OAS1: variants seen among roughly 807,000 people sequenced by gnomAD.
OAS1 encodes 2'-5'-oligoadenylate synthetase 1.
OAS1 carries 24 observed loss-of-function variants against 38.5 expected under a neutral mutation model. That is an observed-to-expected ratio of 0.62 (90% confidence interval 0.45 to 0.88). The LOEUF (loss-of-function observed/expected upper bound fraction) is 0.88, where lower values mean the gene tolerates loss of function less well. Among genes scored for constraint, OAS1 ranks in the 40% least tolerant of loss-of-function variants. The probability of loss-of-function intolerance (pLI) is 0.00; values close to 1 mark genes in which losing one functional copy is unlikely to be tolerated. For missense variants in OAS1, 482 were observed against 493.9 expected, an observed-to-expected ratio of 0.98 and a Z score of 0.23; for synonymous variants, 169 against 193.9, an observed-to-expected ratio of 0.87 and a Z score of 1.07.
intron 6 of OAS1, among the ~76,000 whole-genome samples, chr12:112,931,613 G>T (rs978307936): frequency 6.6e-6 from 1 of 152,200 alleles, no homozygotes; most frequent in Non-Finnish European, 1.5e-5. Context: ...GTACAGATAG[G>T]TTCCAGACTC....
At chr12:112,908,940 C>T in intron 2 of OAS1, 116 bp downstream of exon 2, 3 of 1,140,528 alleles carry the variant, frequency 2.6e-6, no homozygotes, top group Non-Finnish European at 3.8e-6. Context: ...GGGAGGAGAT[C>T]TTAGGATCTG....
At position 112,915,854 on chromosome 12, in the gene OAS1, G is replaced by T. The variant is rs193023488; in HGVS notation, c.655-655G>T. On this transcript the variant is annotated intron_variant, in intron 3 of 5. Coordinates refer to ENST00000202917, the MANE Select transcript of OAS1 (RefSeq NM_016816.4). ...CCTAGTTATTTTAAAGTCTGTGTTC[G>T]GTCTTTCAGCATTTAAAGTTTGTAG... Among the ~76,000 whole-genome samples the T allele has an allele frequency of 2.2e-3, 341 of 152,028 alleles. 1 individual carries two copies. The highest frequency in any genetic ancestry group is 8.0e-3 in the African/African-American group (331 of 41,470).
downstream of OAS1, among the ~76,000 whole-genome samples, chr12:112,920,249 G>T (rs1333525308): frequency 6.6e-6 from 1 of 152,180 alleles, no homozygotes; most frequent in Non-Finnish European, 1.5e-5. Flanking sequence ...CCATATCTCT[G>T]AGAAAAATTA....
At chr12:112,917,977 T>G in intron 5 of OAS1, 28 of 1,354,058 alleles carry the variant, frequency 2.1e-5, no homozygotes, top group Non-Finnish European at 2.2e-5. Context: ...GGGCTCAGGT[T>G]CTGTCCTAAG....
chr12:112,911,354 G>C (rs917960881), intron 3 of OAS1, 119 bp downstream of exon 3: 1 of 778,328 alleles, frequency 1.3e-6, no homozygotes, highest in African/African-American at 1.8e-5. Flanking sequence ...GAGGGAAATA[G>C]AGGGATGGAA....
intron 6 of OAS1, among the ~76,000 whole-genome samples, chr12:112,930,056 A>G (rs1456755879): frequency 2.6e-5 from 4 of 152,124 alleles, no homozygotes; most frequent in Non-Finnish European, 5.9e-5. Flanking sequence ...GTTTAACACC[A>G]TCGCCTTGGT....
chr12:112,907,095 A>G lies in OAS1; in HGVS notation c.56A>G (p.Tyr19Cys), dbSNP rs2043304928. 2 of 1,614,212 alleles carry G rather than the reference A, an allele frequency of 1.2e-6. No individual in the cohort carries two copies. The highest frequency in any genetic ancestry group is 1.7e-6 in the Non-Finnish European group (2 of 1,180,042). ...AKSLDKFIEDYLLPDTCFRMQ... is the reference protein window; with the variant it reads ...AKSLDKFIEDCLLPDTCFRMQ... ...TCTCTGGACAAGTTCATTGAAGACT[A>G]TCTCTTGCCAGACACGTGTTTCCGC... Residue 19 changes from tyrosine (Y) to cysteine (C), a missense_variant, in exon 1 of 6, where the codon TAT becomes TGT. Transcript: ENST00000202917.
chr12:112,929,177 C>A (rs1409273058), intron 6 of OAS1, among the ~76,000 whole-genome samples: 1 of 152,222 alleles, frequency 6.6e-6, no homozygotes, highest in Non-Finnish European at 1.5e-5. Context: ...CCAAATGAAG[C>A]CCATCCTGCC....
At chr12:112,926,699 A>T (rs10850099) in intron 6 of OAS1, among the ~76,000 whole-genome samples, 17 of 151,782 alleles carry the variant, frequency 1.1e-4, no homozygotes, top group African/African-American at 3.4e-4. Flanking sequence ...TTCATGTTCC[A>T]CTGTGCATGC....
chr12:112,907,284 G>C lies in OAS1; in HGVS notation c.180+65G>C. On this transcript the variant is annotated intron_variant, in intron 1 of 5. Transcript: ENST00000202917. ...ATGTGCAAGAGTTGAGATTGAGAATGAGAGAGAGAGAGAGAGAGAAGCAAA... is the reference window on the plus strand; with the variant it reads ...ATGTGCAAGAGTTGAGATTGAGAATCAGAGAGAGAGAGAGAGAGAAGCAAA... 5.0e-6 allele frequency: 3 copies of C among 598,774 alleles called. No individual in the cohort carries two copies. The South Asian group carries it at 1.2e-4, about 23-fold the overall frequency. 37.1% of individuals were successfully genotyped at this position (598,774 alleles called of 1,614,324 possible).
chr12:112,919,732 C>T lies in OAS1; in HGVS notation c.*179C>T. ...ATGCCCTCTATCCTATCATAGATAA[C>T]ATTCTCCACAGCCTCACTTCATTCC... On this transcript the variant is annotated 3_prime_UTR_variant, in exon 6 of 6. Coordinates refer to ENST00000202917, the MANE Select transcript of OAS1 (RefSeq NM_016816.4). The T allele has an allele frequency of 1.3e-6, 2 of 1,487,876 alleles. No homozygotes were observed. Among genetic ancestry groups the T allele is most frequent in the East Asian group, 2.5e-5 (1 of 40,278 alleles). The allele number at this position is 1,487,876 out of a possible 1,614,324, so 92.2% of individuals were successfully genotyped here. A position where few individuals can be genotyped will look rare whatever the true frequency, so the allele number is the denominator to read the frequency against.
chr12:112,917,487 T>C, intron 4 of OAS1, 60 bp from the exon 5 acceptor site: 1 of 1,603,472 alleles, frequency 6.2e-7, no homozygotes, highest in Non-Finnish European at 8.5e-7. Flanking sequence ...CAGGAGCATC[T>C]GGACTCCCTA....
rs766223435 is a variant in OAS1, at chr12:112,916,624, C to T, written c.770C>T (p.Thr257Met). 43 of 1,613,950 alleles carry T rather than the reference C, an allele frequency of 2.7e-5. No individual in the cohort carries two copies. The highest frequency in any genetic ancestry group is 1.6e-4 in the Middle Eastern group (1 of 6,084). ...TTCAACACAGCCCAGGGATTTCGGA[C>T]GGTCTTGGAATTAGTCATAAACTAC... Reference protein sequence around the residue: ...THFNTAQGFRTVLELVINYQQ... With the variant: ...THFNTAQGFRMVLELVINYQQ... The change falls in exon 4 of 6, where the codon ACG becomes ATG. Residue 257 changes from threonine (T) to methionine (M), a missense_variant. Physicochemically the swap from Thr to Met is moderately conservative, Grantham distance 81. Coordinates refer to ENST00000202917, the MANE Select transcript of OAS1 (RefSeq NM_016816.4).
rs749753475 is a variant in OAS1, at chr12:112,908,711, T to A, written c.356T>A (p.Phe119Tyr). The A allele has an allele frequency of 1.2e-5, 19 of 1,614,058 alleles. No individual in the cohort carries two copies. The South Asian group carries it at 2.1e-4, about 18-fold the overall frequency. The change falls in exon 2 of 6, where the codon TTT becomes TAT. Residue 119 changes from phenylalanine (F) to tyrosine (Y), a missense_variant. Physicochemically the swap from Phe to Tyr is conservative, Grantham distance 22. Coordinates refer to ENST00000202917, the MANE Select transcript of OAS1 (RefSeq NM_016816.4). ...AGAGAGAGAGCATTTTCCGTGAAGTTTGAGGTCCAGGCTCCACGCTGGGGC... is the reference window on the plus strand; with the variant it reads ...AGAGAGAGAGCATTTTCCGTGAAGTATGAGGTCCAGGCTCCACGCTGGGGC... Reference protein sequence around the residue: ...CQRERAFSVKFEVQAPRWGNP... With the variant: ...CQRERAFSVKYEVQAPRWGNP...
intron 5 of OAS1, chr12:112,918,706 T>G (rs1217584271): frequency 4.4e-6 from 2 of 452,824 alleles, no homozygotes; most frequent in East Asian, 1.4e-4. Context: ...CTCATGTCAC[T>G]GTGCTAAACA....
chr12:112,916,907 C>G, intron 4 of OAS1, 169 bp downstream of exon 4: 1 of 609,830 alleles, frequency 1.6e-6, no homozygotes, highest in Non-Finnish European at 2.9e-6. Flanking sequence ...AAACACCTAC[C>G]TCCAACCCTG....
chr12:112,914,847 G>A (rs559653036), intron 3 of OAS1, among the ~76,000 whole-genome samples: 20 of 149,056 alleles, frequency 1.3e-4, no homozygotes, highest in South Asian at 6.4e-4. Flanking sequence ...CCATTAACCC[G>A]TCATTTAGCA....
At position 112,908,561 on chromosome 12, in the gene OAS1, C is replaced by T. The variant is rs142847241; in HGVS notation, c.206C>T (p.Thr69Ile). The T allele has an allele frequency of 3.2e-5, 52 of 1,613,748 alleles. No individual in the cohort carries two copies. The African/African-American group carries it at 5.9e-4, about 18-fold the overall frequency. The change falls in exon 2 of 6, where the codon ACC becomes ATC. Residue 69 changes from threonine (T) to isoleucine (I), a missense_variant. Transcript: ENST00000202917. ...VKGGSSGKGTTLRGRSDADLV... is the reference protein window; with the variant it reads ...VKGGSSGKGTILRGRSDADLV... ...GGTGGCTCCTCAGGCAAGGGCACCA[C>T]CCTCAGAGGCCGATCTGACGCTGAC...
At chr12:112,922,390 G>A (rs2043536099), downstream of OAS1, among the ~76,000 whole-genome samples, 1 of 152,128 alleles carries the variant, frequency 6.6e-6, no homozygotes, top group South Asian at 2.1e-4. Context: ...ATTGAGTAGT[G>A]CCCTTTCAAG....
Sources: allele counts gnomAD v4.1 joint callset (sites outside exome capture counted in the v4.1 genomes callset), GRCh38; gene constraint gnomAD v4.1.1; transcripts MANE v1.5; gene names NCBI Gene and HGNC (gene_info 2026-07-23, HGNC 2026-07-21).